Variants in NDFIP2 observed in about 807,000 individuals in gnomAD.
The protein encoded by NDFIP2 is NEDD4 family-interacting protein 2.
NDFIP2 carries 19 observed loss-of-function variants against 36.0 expected under a neutral mutation model. The ratio of observed to expected loss-of-function variants is 0.53; its 90% CI spans 0.37 to 0.77. The LOEUF is 0.77. Ranked by LOEUF, NDFIP2 falls within the 30% of genes least tolerant of loss-of-function variation. NDFIP2 has a pLI of 0.00. For missense variants in NDFIP2, 446 were observed against 435.8 expected (o/e 1.02, Z -0.21); for synonymous variants, 181 against 167.7 (o/e 1.08, Z -0.61).
At chr13:79,485,164 C>T (rs1872918292) in intron 1 of NDFIP2, among the ~76,000 whole-genome samples, 1 of 152,062 alleles carries the variant, frequency 6.6e-6, no homozygotes, top group Admixed American at 6.5e-5. Flanking sequence ...AGTGGGTTTG[C>T]ATCACAGCTG....
At chr13:79,513,071 A>G (rs112404836) in intron 1 of NDFIP2, among the ~76,000 whole-genome samples, 161 of 152,330 alleles carry the variant, frequency 1.1e-3, no homozygotes, top group Admixed American at 3.1e-3. Flanking sequence ...TAATTGGATC[A>G]TTTTAGGTTA....
At chr13:79,505,963 G>A (rs1325763403) in intron 1 of NDFIP2, among the ~76,000 whole-genome samples, 2 of 152,146 alleles carry the variant, frequency 1.3e-5, no homozygotes, top group Non-Finnish European at 2.9e-5. Flanking sequence ...TTCTTGTAAA[G>A]ACGAAAATGA....
chr13:79,535,303 C>T (rs145003338), intron 3 of NDFIP2, among the ~76,000 whole-genome samples: 6 of 152,194 alleles, frequency 3.9e-5, no homozygotes, highest in Admixed American at 3.3e-4. Context: ...AACTTCCATA[C>T]AATAGGATAG....
At chr13:79,543,326 G>C (rs2137112994) in intron 4 of NDFIP2, among the ~76,000 whole-genome samples, 1 of 152,306 alleles carries the variant, frequency 6.6e-6, no homozygotes, top group Admixed American at 6.5e-5. Flanking sequence ...TTCAGGAATG[G>C]ATTCCTGTTG....
chr13:79,503,462 A>G (rs1040459741), intron 1 of NDFIP2, among the ~76,000 whole-genome samples: 10 of 152,184 alleles, frequency 6.6e-5, no homozygotes, highest in Non-Finnish European at 1.2e-4. Context: ...GATAGAAGGT[A>G]AAATCAGGTA....
chr13:79,481,622 T>A, intron 1 of NDFIP2, 98 bp downstream of exon 1: 1 of 1,353,148 alleles, frequency 7.4e-7, no homozygotes, highest in Non-Finnish European at 1.0e-6. Context: ...AAGCTGTGGC[T>A]TTTTTTTGTT....
intron 2 of NDFIP2, 71 bp from the exon 3 acceptor site, chr13:79,533,249 AATT>A: frequency 6.2e-6 from 9 of 1,449,578 alleles, no homozygotes; most frequent in Non-Finnish European, 8.4e-6. Flanking sequence ...GCCAGTTGTA[AATT>A]ATTAAGTCAT....
intron 1 of NDFIP2, among the ~76,000 whole-genome samples, chr13:79,517,631 T>C (rs1190779366): frequency 6.6e-6 from 1 of 152,202 alleles, no homozygotes; most frequent in Non-Finnish European, 1.5e-5. Flanking sequence ...TGTTGATGCA[T>C]GGTAATATTC....
intron 5 of NDFIP2, among the ~76,000 whole-genome samples, chr13:79,543,946 CT>C (rs893682755): frequency 2.4e-4 from 37 of 152,028 alleles, no homozygotes; most frequent in African/African-American, 8.7e-4. Context: ...TATGTCTTAA[CT>C]TTATTTAATT....
At chr13:79,501,629 C>G (rs1339681593) in intron 1 of NDFIP2, among the ~76,000 whole-genome samples, 2 of 152,074 alleles carry the variant, frequency 1.3e-5, no homozygotes, top group Non-Finnish European at 2.9e-5. Context: ...TTAGATTTAG[C>G]GGCCAACTTT....
chr13:79,483,319 G>A (rs76846875), intron 1 of NDFIP2, among the ~76,000 whole-genome samples: 10 of 152,088 alleles, frequency 6.6e-5, no homozygotes, highest in African/African-American at 1.7e-4. Flanking sequence ...CACAATTTAC[G>A]TAGTCATTTA....
chr13:79,520,834 G>C lies in NDFIP2; in HGVS notation c.346G>C (p.Glu116Gln), dbSNP rs758051303. 17 of 1,612,836 alleles carry C rather than the reference G, an allele frequency of 1.1e-5. No individual in the cohort carries two copies. The highest frequency in any genetic ancestry group is 1.7e-5 in the Admixed American group (1 of 59,882). ...QVLLNEEDNS[E>Q]SSAIEQPPTS... ...GCTTCTTAATGAAGAGGATAACTCAGAATCATCGGCTATAGAGCAGCCACC... is the reference window on the plus strand; with the variant it reads ...GCTTCTTAATGAAGAGGATAACTCACAATCATCGGCTATAGAGCAGCCACC... The change falls in exon 2 of 8, where the codon GAA (glutamate) becomes CAA (glutamine). Residue 116 changes from glutamate to glutamine, a missense_variant. Physicochemically the swap from Glu to Gln is conservative, Grantham distance 29. This residue lies in a region of NDFIP2 where 369 missense variants were observed against 304.8 expected (regional missense o/e 1.21). Transcript: ENST00000218652.
At chr13:79,493,871 T>C (rs17071513) in intron 1 of NDFIP2, among the ~76,000 whole-genome samples, 6,184 of 152,138 alleles carry the variant, frequency 0.041, 402 homozygotes, top group African/African-American at 0.14. Context: ...TGTAGGTGTT[T>C]TCTTTAACCA....
rs1566650974 is a variant in NDFIP2 at position 79,481,649 on chromosome 13, T to C, written c.321+125T>C. On this transcript the variant is annotated intron_variant, in intron 1 of 7. Coordinates refer to ENST00000218652, the MANE Select transcript of NDFIP2 (RefSeq NM_019080.3). The stretch of plus-strand genomic sequence containing the variant: ...TTTTTTGTTGTGTTTTGTTTTGTTT[T>C]TTTGGATCTTCTGGCTGGAGCTGCT... 3 of 1,221,838 alleles carry C rather than the reference T, an allele frequency of 2.5e-6. No individual in the cohort carries two copies. In the African/African-American group the frequency reaches 4.7e-5, roughly 19 times the overall value. 75.7% of individuals were successfully genotyped at this position (1,221,838 alleles called of 1,614,324 possible). A position where few individuals can be genotyped will look rare whatever the true frequency, so the allele number is the denominator to read the frequency against.
At chr13:79,499,091 A>G (rs73551555) in intron 1 of NDFIP2, among the ~76,000 whole-genome samples, 6,523 of 152,050 alleles carry the variant, frequency 0.043, 484 homozygotes, top group African/African-American at 0.15. Flanking sequence ...TGCAAGGCTG[A>G]TTCAAGATTC....
intron 1 of NDFIP2, among the ~76,000 whole-genome samples, chr13:79,508,318 G>T (rs1444278507): frequency 3.9e-5 from 6 of 152,300 alleles, no homozygotes; most frequent in Admixed American, 6.5e-5. Context: ...CTGGAAAGGG[G>T]TCTGGATCAG....
chr13:79,502,002 T>C (rs1257418946), intron 1 of NDFIP2, among the ~76,000 whole-genome samples: 1 of 152,128 alleles, frequency 6.6e-6, no homozygotes, highest in East Asian at 1.9e-4. Context: ...GAAGTTTTAG[T>C]GATTAATGAG....
At chr13:79,516,341 C>T (rs1874329922) in intron 1 of NDFIP2, among the ~76,000 whole-genome samples, 2 of 152,162 alleles carry the variant, frequency 1.3e-5, no homozygotes, top group Admixed American at 1.3e-4. Flanking sequence ...GCAGCCTCCA[C>T]CTTCCGGGCT....
intron 4 of NDFIP2, among the ~76,000 whole-genome samples, chr13:79,540,240 A>G (rs921710791): frequency 7.9e-5 from 12 of 152,234 alleles, no homozygotes; most frequent in South Asian, 4.1e-4. Flanking sequence ...TTATGAAAGT[A>G]TAAGTCTTAT....
Sources: allele counts gnomAD v4.1 joint callset (sites outside exome capture counted in the v4.1 genomes callset), GRCh38; gene constraint gnomAD v4.1.1; regional missense constraint gnomAD v4.1.1; transcripts MANE v1.5; gene names NCBI Gene and HGNC (gene_info 2026-07-23, HGNC 2026-07-21).